The following CSMD1 variants were observed in gnomAD, a reference collection of about 807,000 sequenced individuals.
CSMD1 encodes CUB and Sushi multiple domains 1.
Under a neutral mutation model 417.5 loss-of-function variants are expected in CSMD1, and 213 were observed. The ratio of observed to expected loss-of-function variants is 0.51; its 90% CI spans 0.46 to 0.57. The LOEUF is 0.57. Among genes scored for constraint, CSMD1 ranks in the 20% least tolerant of loss-of-function variants. The pLI is 0.00. For missense variants in CSMD1, 6,923 were observed against 4,529.7 expected, an observed-to-expected ratio of 1.53 and a Z score of -15.17; for synonymous variants, 2,862 against 1,736.8, an observed-to-expected ratio of 1.65 and a Z score of -16.11.
chr8:4,945,357 A>T (rs1808297371), intron 1 of CSMD1, among the ~76,000 whole-genome samples: 1 of 152,190 alleles, frequency 6.6e-6, no homozygotes, highest in African/African-American at 2.4e-5. Context: ...AAGATACATA[A>T]CACTTCTGAA....
At chr8:3,240,253 G>C (rs890003329) in intron 26 of CSMD1, among the ~76,000 whole-genome samples, 1 of 152,108 alleles carries the variant, frequency 6.6e-6, no homozygotes, top group African/African-American at 2.4e-5. Flanking sequence ...GGAGAGCTAG[G>C]ATGGGGGCAG....
intron 1 of CSMD1, among the ~76,000 whole-genome samples, chr8:4,954,941 T>G (rs1169876717): frequency 6.6e-6 from 1 of 152,210 alleles, no homozygotes; most frequent in Non-Finnish European, 1.5e-5. Flanking sequence ...TGTTTCTGTT[T>G]GTCTGTGACA....
chr8:3,140,230 A>T (rs1197183150), intron 41 of CSMD1, among the ~76,000 whole-genome samples: 1 of 152,164 alleles, frequency 6.6e-6, no homozygotes, highest in East Asian at 1.9e-4. Context: ...TAGGAGGTAC[A>T]TTCTCTTCCA....
chr8:3,972,749 G>C (rs146665381), intron 5 of CSMD1, among the ~76,000 whole-genome samples: 3 of 152,246 alleles, frequency 2.0e-5, no homozygotes, highest in Non-Finnish European at 4.4e-5. Context: ...CCAGCTAAAA[G>C]CATTAAAAAT....
At chr8:4,133,443 C>T (rs1476745767) in intron 3 of CSMD1, among the ~76,000 whole-genome samples, 4 of 152,138 alleles carry the variant, frequency 2.6e-5, no homozygotes, top group East Asian at 1.9e-4. Context: ...TAAATGTTAT[C>T]ATTTACCTTA....
intron 10 of CSMD1, among the ~76,000 whole-genome samples, chr8:3,535,306 C>G (rs140663833): frequency 4.6e-5 from 7 of 151,972 alleles, no homozygotes; most frequent in African/African-American, 1.7e-4. Context: ...AGCTTTTGGC[C>G]GTACTTTCTA....
chr8:3,296,943 A>G (rs77684480), intron 25 of CSMD1, among the ~76,000 whole-genome samples: 3,312 of 152,286 alleles, frequency 0.022, 119 homozygotes, highest in African/African-American at 0.074. Flanking sequence ...GTCAGAGTGG[A>G]GAAAATAAAC....
At chr8:3,175,507 G>GCCTGCCTGCCTGCCTGCTTT (rs149583717) in intron 37 of CSMD1, among the ~76,000 whole-genome samples, 1 of 125,830 alleles carries the variant, frequency 7.9e-6, no homozygotes, top group Non-Finnish European at 1.6e-5. Context: ...CTGCCTGCCT[G>GCCTGCCTGCCTGCCTGCTTT]CCTTTTTTCC....
chr8:3,778,746 G>T (rs1473775684), intron 5 of CSMD1, among the ~76,000 whole-genome samples: 1 of 152,158 alleles, frequency 6.6e-6, no homozygotes, highest in Non-Finnish European at 1.5e-5. Context: ...TGGAAATCAG[G>T]TTACAAATAA....
chr8:3,247,603 GA>G (rs1302516868), intron 26 of CSMD1, among the ~76,000 whole-genome samples: 1 of 152,168 alleles, frequency 6.6e-6, no homozygotes, highest in African/African-American at 2.4e-5. Flanking sequence ...TCCCTGTGGG[GA>G]GAACATCAGC....
intron 5 of CSMD1, among the ~76,000 whole-genome samples, chr8:3,993,572 G>A (rs922355504): frequency 6.6e-6 from 1 of 152,136 alleles, no homozygotes; most frequent in African/African-American, 2.4e-5. Flanking sequence ...AATAAACTAA[G>A]GTTACAAAAC....
chr8:3,376,228 T>A (rs958872493), intron 18 of CSMD1, among the ~76,000 whole-genome samples: 25 of 151,976 alleles, frequency 1.6e-4, no homozygotes, highest in African/African-American at 6.0e-4. Flanking sequence ...TTTAATAACA[T>A]AATTACTATT....
chr8:4,345,017 C>A (rs553035587), intron 3 of CSMD1, among the ~76,000 whole-genome samples: 55 of 152,198 alleles, frequency 3.6e-4, no homozygotes, highest in African/African-American at 1.3e-3. Context: ...CTTTCTAAGG[C>A]AGCATCACAC....
At chr8:3,912,026 C>T (rs1050197979) in intron 5 of CSMD1, among the ~76,000 whole-genome samples, 6 of 152,202 alleles carry the variant, frequency 3.9e-5, no homozygotes, top group African/African-American at 1.4e-4. Flanking sequence ...CATATAGACA[C>T]ATATGGAGTA....
intron 3 of CSMD1, among the ~76,000 whole-genome samples, chr8:4,415,403 G>T (rs903784472): frequency 5.3e-5 from 8 of 152,134 alleles, no homozygotes; most frequent in African/African-American, 1.7e-4. Flanking sequence ...TTCCGGGTTT[G>T]ACACAAAGTA....
intron 1 of CSMD1, among the ~76,000 whole-genome samples, chr8:4,910,937 C>T (rs1048946900): frequency 2.0e-5 from 3 of 152,066 alleles, no homozygotes; most frequent in Non-Finnish European, 4.4e-5. Context: ...CAGGTCTCTC[C>T]CATGCTGTTC....
chr8:3,201,805 A>T (rs1188905268), intron 31 of CSMD1, 80 bp from the exon 32 acceptor site: 2 of 699,746 alleles, frequency 2.9e-6, no homozygotes, highest in East Asian at 5.8e-5. Flanking sequence ...CTGAATATCT[A>T]TTAATTGCCC....
chr8:3,701,089 C>G (rs1402766970), intron 7 of CSMD1, among the ~76,000 whole-genome samples: 1 of 151,858 alleles, frequency 6.6e-6, no homozygotes, highest in Non-Finnish European at 1.5e-5. Flanking sequence ...GGTCTAGGGA[C>G]TGAATGGTGG....
chr8:3,525,364 G>T (rs559445402), intron 10 of CSMD1, among the ~76,000 whole-genome samples: 40 of 152,104 alleles, frequency 2.6e-4, no homozygotes, highest in Non-Finnish European at 5.1e-4. Flanking sequence ...GCAGGATAAG[G>T]ATCAAAATTC....
Sources: allele counts gnomAD v4.1 joint callset (sites outside exome capture counted in the v4.1 genomes callset), GRCh38; gene constraint gnomAD v4.1.1; transcripts MANE v1.5; gene names NCBI Gene and HGNC (gene_info 2026-07-23, HGNC 2026-07-21).